Variants in ANKFN1 observed in about 807,000 individuals in gnomAD.
ANKFN1 encodes the protein ankyrin repeat and fibronectin type III domain containing 1.
Under a neutral mutation model 108.7 loss-of-function variants are expected in ANKFN1, and 74 were observed. The ratio of observed to expected loss-of-function variants is 0.68; its 90% CI spans 0.56 to 0.83. The LOEUF is 0.83. ANKFN1 is among the 40% of genes least tolerant of loss of function. ANKFN1 has a pLI of 0.00. For missense variants in ANKFN1, 1,505 were observed against 1,382.3 expected, an observed-to-expected ratio of 1.09 and a Z score of -1.41; for synonymous variants, 547 against 516.2, an observed-to-expected ratio of 1.06 and a Z score of -0.81.
intron 6 of ANKFN1, among the ~76,000 whole-genome samples, chr17:56,357,860 C>T (rs1431217710): frequency 1.3e-5 from 2 of 152,168 alleles, no homozygotes; most frequent in East Asian, 3.9e-4. Context: ...GTTTTGTCTA[C>T]ATCATCTCCC....
intron 3 of ANKFN1, among the ~76,000 whole-genome samples, chr17:56,311,564 T>C (rs536953291): frequency 4.3e-4 from 66 of 152,386 alleles, no homozygotes; most frequent in African/African-American, 1.6e-3. Context: ...CAAACATGAT[T>C]GCTTATTGGT....
At chr17:56,200,513 C>T (rs1055346189) in intron 1 of ANKFN1, among the ~76,000 whole-genome samples, 4 of 152,216 alleles carry the variant, frequency 2.6e-5, no homozygotes, top group African/African-American at 4.8e-5. Context: ...AGAACCTCAA[C>T]ATCTAATGCA....
In ANKFN1 at chr17:56,261,616, C is replaced by A. The variant is rs142388228; in HGVS notation, c.53+33659C>A. ...GTCTGTGGTCAACTGTCTAAGAGTCCCAAAGCTGAAGAACTTGGAGTCCCA... is the reference window on the plus strand; with the variant it reads ...GTCTGTGGTCAACTGTCTAAGAGTCACAAAGCTGAAGAACTTGGAGTCCCA... On this transcript the variant is annotated intron_variant, in intron 3 of 20. Transcript: ENST00000682825. Among the ~76,000 whole-genome samples the A allele has an allele frequency of 1.8e-4, 28 of 152,000 alleles. No individual in the cohort carries two copies. In the East Asian group the frequency reaches 5.4e-3, roughly 29 times the overall value.
chr17:56,233,326 T>C (rs1044227010), intron 3 of ANKFN1, among the ~76,000 whole-genome samples: 3 of 152,044 alleles, frequency 2.0e-5, no homozygotes, highest in African/African-American at 7.2e-5. Context: ...GACTGCTTCA[T>C]GGGCCATTTA....
intron 5 of ANKFN1, among the ~76,000 whole-genome samples, 179 bp downstream of exon 5, chr17:56,351,146 A>G (rs542561747): frequency 6.6e-6 from 1 of 152,198 alleles, no homozygotes; most frequent in African/African-American, 2.4e-5. Context: ...ACAAAGTCTG[A>G]GTGATTGTGA....
chr17:56,367,209 A>C (rs1299448869), intron 6 of ANKFN1, among the ~76,000 whole-genome samples: 1 of 152,202 alleles, frequency 6.6e-6, no homozygotes, highest in African/African-American at 2.4e-5. Context: ...AAAATTCTTA[A>C]TTAAAAATTA....
intron 4 of ANKFN1, among the ~76,000 whole-genome samples, chr17:56,348,849 A>G (rs1291464056): frequency 3.3e-5 from 5 of 151,872 alleles, no homozygotes; most frequent in Non-Finnish European, 7.4e-5. Context: ...TCAAATACCT[A>G]GAGGCAGAAA....
intron 4 of ANKFN1, among the ~76,000 whole-genome samples, chr17:56,345,318 G>A (rs1446892338): frequency 6.6e-6 from 1 of 152,136 alleles, no homozygotes; most frequent in African/African-American, 2.4e-5. Flanking sequence ...TTGGTTCCAA[G>A]TCTTTGCTAT....
intron 3 of ANKFN1, among the ~76,000 whole-genome samples, chr17:56,251,379 TGA>T (rs1471835487): frequency 1.3e-5 from 2 of 152,010 alleles, no homozygotes; most frequent in Non-Finnish European, 2.9e-5. Flanking sequence ...GGCAATAGAG[TGA>T]GACTCTGACA....
At chr17:56,154,711 GAAC>G (rs1908933634) in intron 1 of ANKFN1, among the ~76,000 whole-genome samples, 1 of 151,966 alleles carries the variant, frequency 6.6e-6, no homozygotes, top group African/African-American at 2.4e-5. Flanking sequence ...TTGGGGACAG[GAAC>G]TATACAGTTT....
chr17:56,256,682 T>A (rs1472110440), intron 3 of ANKFN1, among the ~76,000 whole-genome samples: 2 of 152,234 alleles, frequency 1.3e-5, no homozygotes, highest in Non-Finnish European at 2.9e-5. Flanking sequence ...AACAAGCCCT[T>A]TATCTATTAT....
At chr17:56,189,170 C>CTTTTTTTTTTTTTTTTT (rs532063852) in intron 1 of ANKFN1, among the ~76,000 whole-genome samples, 5 of 85,266 alleles carry the variant, frequency 5.9e-5, no homozygotes, top group African/African-American at 1.4e-4. Context: ...GTTGCCCTGA[C>CTTTTTTTTTTTTTTTTT]TTTTTTTTTT....
intron 4 of ANKFN1, among the ~76,000 whole-genome samples, chr17:56,086,747 A>G (rs1193341439): frequency 6.6e-6 from 1 of 151,362 alleles, no homozygotes. Context: ...AAACTTACTA[A>G]AAAGTCACAG....
At chr17:56,201,657 C>T (rs530446555) in intron 1 of ANKFN1, among the ~76,000 whole-genome samples, 10 of 144,992 alleles carry the variant, frequency 6.9e-5, no homozygotes, top group African/African-American at 2.1e-4. Flanking sequence ...TTTAGCTGAT[C>T]GAATGTTATT....
intron 8 of ANKFN1, among the ~76,000 whole-genome samples, chr17:56,396,258 G>A (rs561824050): frequency 1.3e-5 from 2 of 152,270 alleles, no homozygotes; most frequent in African/African-American, 4.8e-5. Context: ...CAGCAGCCTG[G>A]CCAACATGGT....
At chr17:56,094,808 T>C (rs1038410649) in intron 4 of ANKFN1, among the ~76,000 whole-genome samples, 2 of 150,164 alleles carry the variant, frequency 1.3e-5, no homozygotes, top group African/African-American at 2.4e-5. Context: ...GCATGAGCCA[T>C]AGCGCCCAGC....
intron 4 of ANKFN1, among the ~76,000 whole-genome samples, chr17:56,086,224 T>G (rs757936673): frequency 6.6e-6 from 1 of 150,692 alleles, no homozygotes. Flanking sequence ...CTGGCCAACA[T>G]GGTGAAATCA....
chr17:56,405,649 A>T (rs925669314), intron 8 of ANKFN1, among the ~76,000 whole-genome samples: 3 of 152,228 alleles, frequency 2.0e-5, no homozygotes, highest in Non-Finnish European at 4.4e-5. Flanking sequence ...TAAAATATAG[A>T]GTATCTTTCA....
chr17:56,048,255 TC>T lies in ANKFN1; in HGVS notation c.288+1931del, dbSNP rs567817700. ...ATAATTAAATTGCTTATAGTTTTTT[TC>T]ATAATTATAATGCCACTTATGAATA... On this transcript the variant is annotated intron_variant, in intron 4 of 12. Coordinates refer to the ANKFN1 transcript ENST00000635860. Among the ~76,000 whole-genome samples the T allele has an allele frequency of 5.1e-3, 770 of 152,236 alleles. 8 individuals carry two copies. The highest frequency in any genetic ancestry group is 0.017 in the African/African-American group (717 of 41,572).
Sources: gnomAD v4.1 joint callset for allele counts (sites outside exome capture counted in the v4.1 genomes callset) on GRCh38, gnomAD v4.1.1 for gene constraint, MANE v1.5 for transcripts, NCBI Gene and HGNC (gene_info 2026-07-23, HGNC 2026-07-21) for gene names.